RNF6: variants seen among roughly 807,000 people sequenced by gnomAD.
RNF6 encodes E3 ubiquitin-protein ligase RNF6.
RNF6 carries 21 observed loss-of-function variants against 50.1 expected under a neutral mutation model. The ratio of observed to expected loss-of-function variants is 0.42; its 90% confidence interval spans 0.30 to 0.60. RNF6 has a LOEUF of 0.60. Ranked by LOEUF, RNF6 falls within the 20% of genes least tolerant of loss-of-function variation. RNF6 has a pLI of 0.20. For synonymous variants in RNF6, 255 were observed against 291.8 expected, an observed-to-expected ratio of 0.87 and a Z score of 1.29; for missense variants, 698 against 838.2, an observed-to-expected ratio of 0.83 and a Z score of 2.07.
intron 5 of RNF6, among the ~76,000 whole-genome samples, chr13:26,184,008 ATATATATATATTTTTTTTTT>A (rs1873374290): frequency 8.2e-5 from 1 of 12,194 alleles, no homozygotes; most frequent in African/African-American, 2.0e-4. Context: ...ATATATATAT[ATATATATATATTTTTTTTTT>A]TTTTTTTTTT....
chr13:26,195,762 G>A (rs1392864255), intron 5 of RNF6, among the ~76,000 whole-genome samples: 1 of 151,988 alleles, frequency 6.6e-6, no homozygotes, highest in Non-Finnish European at 1.5e-5. Flanking sequence ...ATCATCATGG[G>A]GTGATAAGCC....
In RNF6 at chr13:26,152,028, C is replaced by T. The variant is rs528425067; in HGVS notation, n.769-19577G>A. On this transcript the variant is annotated intron_variant and non_coding_transcript_variant, in intron 5 of 5. Coordinates refer to the RNF6 transcript ENST00000468480. ...CTCCAGGATGAAGTCCAACCTTCTG[C>T]GGGTAACACACCAACCTCTTTTATA... Among the ~76,000 whole-genome samples, 99 of 152,246 alleles carry T rather than the reference C, an allele frequency of 6.5e-4. 3 individuals carry two copies. In the South Asian group the frequency reaches 0.018, roughly 27 times the overall value.
chr13:26,209,989 A>C (rs978986788), downstream of RNF6, among the ~76,000 whole-genome samples: 1 of 152,180 alleles, frequency 6.6e-6, no homozygotes, highest in Non-Finnish European at 1.5e-5. Context: ...GAAATGATGG[A>C]TCTCCAATGA....
chr13:26,186,983 T>C (rs1224294645), intron 5 of RNF6, among the ~76,000 whole-genome samples: 2 of 152,074 alleles, frequency 1.3e-5, no homozygotes, highest in Non-Finnish European at 2.9e-5. Flanking sequence ...TTCACCGTGT[T>C]AGCCAGGATG....
chr13:26,195,252 A>G (rs188677183), intron 5 of RNF6, among the ~76,000 whole-genome samples: 2 of 82,848 alleles, frequency 2.4e-5, no homozygotes, highest in South Asian at 5.8e-4. Flanking sequence ...ACTAACACAA[A>G]TCAAGGCTGC....
intron 5 of RNF6, among the ~76,000 whole-genome samples, chr13:26,166,388 C>T (rs1393981521): frequency 1.3e-5 from 2 of 152,226 alleles, no homozygotes; most frequent in East Asian, 3.9e-4. Context: ...AAAGAGCATC[C>T]AAAGAGGAAG....
chr13:26,179,149 A>T (rs2137653863), intron 5 of RNF6, among the ~76,000 whole-genome samples: 1 of 152,250 alleles, frequency 6.6e-6, no homozygotes, highest in Non-Finnish European at 1.5e-5. Context: ...GCACAAACCC[A>T]GCTGCCAGAG....
chr13:26,193,524 G>A (rs532843956), intron 5 of RNF6, among the ~76,000 whole-genome samples: 1 of 152,320 alleles, frequency 6.6e-6, no homozygotes, highest in Non-Finnish European at 1.5e-5. Flanking sequence ...GTAGACTGGT[G>A]GGGTCTAAAG....
At position 26,214,326 on chromosome 13, in the gene RNF6, T is replaced by C; in HGVS notation, c.1556A>G (p.Glu519Gly). Reference protein sequence around the residue: ...NGQHLPDMHSELSNLGTDNNR... With the variant: ...NGQHLPDMHSGLSNLGTDNNR... ...GTTATCTGTACCTAAGTTACTCAGT[T>C]CTGAGTGCATGTCTGGTAAATGCTG... is the stretch of plus-strand genomic sequence containing the variant. Residue 519 changes from glutamate to glycine, a missense_variant, in exon 5 of 5, where the codon GAA (glutamate) becomes GGA (glycine). Glu to Gly is a moderately conservative substitution (Grantham distance 98). Transcript: ENST00000381588. The C allele has an allele frequency of 6.2e-7, 1 of 1,614,164 alleles. No individual in the cohort carries two copies. Among genetic ancestry groups the C allele is most frequent in the South Asian group, 1.1e-5 (1 of 91,084 alleles).
At chr13:26,175,755 T>C (rs927900112) in intron 5 of RNF6, among the ~76,000 whole-genome samples, 1 of 152,104 alleles carries the variant, frequency 6.6e-6, no homozygotes, top group African/African-American at 2.4e-5. Context: ...AGTGACCTCC[T>C]CCTACGCAAG....
At chr13:26,208,213 G>A (rs934365412), downstream of RNF6, among the ~76,000 whole-genome samples, 1 of 152,172 alleles carries the variant, frequency 6.6e-6, no homozygotes, top group Admixed American at 6.5e-5. Flanking sequence ...TCTATTCCCT[G>A]AGAAGGGTGG....
At chr13:26,163,770 ACT>A (rs1872322880) in intron 5 of RNF6, among the ~76,000 whole-genome samples, 1 of 152,182 alleles carries the variant, frequency 6.6e-6, no homozygotes, top group South Asian at 2.1e-4. Context: ...AATATCTGTA[ACT>A]AGAGGCTCTG....
At position 26,168,553 on chromosome 13, in the gene RNF6, T is replaced by C. The variant is rs141536865; in HGVS notation, n.769-36102A>G. Among the ~76,000 whole-genome samples, 66 of 152,282 alleles carry C rather than the reference T, an allele frequency of 4.3e-4. No homozygotes were observed. The East Asian group carries it at 0.012, about 27-fold the overall frequency. Reference sequence around the variant, plus strand: ...TTATCTGATGAAGTTTTGCAGAAAATGTTCTTACAGGGGTTGTTTACGTAA... The same window carrying C: ...TTATCTGATGAAGTTTTGCAGAAAACGTTCTTACAGGGGTTGTTTACGTAA... On this transcript the variant is annotated intron_variant and non_coding_transcript_variant, in intron 5 of 5. Transcript: ENST00000468480.
rs751397041 is a variant in RNF6, at chr13:26,213,776, G to C, written c.*48C>G. ...CAAATAACTCAGCAAAACAATGCTT[G>C]AACATTCAGTTCTACTAAAAAACAG... On this transcript the variant is annotated 3_prime_UTR_variant, in exon 5 of 5. Transcript: ENST00000381588. The C allele has an allele frequency of 9.0e-6, 13 of 1,445,100 alleles. 1 individual carries two copies. The Admixed American group carries it at 2.6e-4, about 29-fold the overall frequency. 89.5% of individuals were successfully genotyped at this position (1,445,100 alleles called of 1,614,324 possible).
rs367825280 is a variant in RNF6 at position 26,165,717 on chromosome 13, C to G, written n.769-33266G>C. On this transcript the variant is annotated intron_variant and non_coding_transcript_variant, in intron 5 of 5. Coordinates refer to the RNF6 transcript ENST00000468480. ...ACTGCCCTGCTGGATTTTGGACTTG[C>G]ATGGGGCCTGTAGCCCCTTTGTTTT... is the stretch of plus-strand genomic sequence containing the variant. Among the ~76,000 whole-genome samples, 101 of 152,334 alleles carry G rather than the reference C, an allele frequency of 6.6e-4. 1 individual carries two copies. The South Asian group carries it at 0.015, about 22-fold the overall frequency.
At chr13:26,207,921 T>C (rs947302515), downstream of RNF6, among the ~76,000 whole-genome samples, 1 of 152,214 alleles carries the variant, frequency 6.6e-6, no homozygotes, top group Non-Finnish European at 1.5e-5. Context: ...GTAGAGGCAT[T>C]GGCTGTGCTA....
At position 26,179,573 on chromosome 13, in the gene RNF6, TC is replaced by T. The variant is rs1242525453; in HGVS notation, n.768+35900del. On this transcript the variant is annotated intron_variant and non_coding_transcript_variant, in intron 5 of 5. Coordinates refer to the RNF6 transcript ENST00000468480. The stretch of plus-strand genomic sequence containing the variant: ...GAACAGTTCCTTCTTATCTCACGGC[TC>T]TGCATTCTCAGCACATTCTATTCTT... Among the ~76,000 whole-genome samples the T allele has an allele frequency of 5.3e-5, 8 of 152,300 alleles. No individual in the cohort carries two copies. In the East Asian group the frequency reaches 1.5e-3, roughly 29 times the overall value.
At chr13:26,205,747 C>T (rs1197716231) in intron 5 of RNF6, among the ~76,000 whole-genome samples, 1 of 152,244 alleles carries the variant, frequency 6.6e-6, no homozygotes, top group Non-Finnish European at 1.5e-5. Context: ...GGTACAGTGG[C>T]TTACGCCTGT....
At chr13:26,135,574 A>C (rs1279761403) in intron 5 of RNF6, 3 of 152,218 alleles carry the variant, frequency 2.0e-5, no homozygotes, top group Admixed American at 2.0e-4. Flanking sequence ...GTTGCTATAT[A>C]ACACATCAAT....
Sources: gnomAD v4.1 joint callset for allele counts (sites outside exome capture counted in the v4.1 genomes callset) on GRCh38, gnomAD v4.1.1 for gene constraint, MANE v1.5 for transcripts, NCBI Gene and HGNC (gene_info 2026-07-23, HGNC 2026-07-21) for gene names.